The following COP1 variants were observed in gnomAD, a reference collection of about 807,000 sequenced individuals.
The protein encoded by COP1 is COP1 E3 ubiquitin ligase, also known as E3 ubiquitin-protein ligase COP1.
Under a neutral mutation model 101.3 loss-of-function variants are expected in COP1, and 24 were observed. The observed-to-expected ratio is 0.24, with a 90% CI of 0.17 to 0.33. The LOEUF is 0.33. Ranked by LOEUF, COP1 falls within the 10% of genes least tolerant of loss-of-function variation. The pLI is 1.00. For synonymous variants in COP1, 347 were observed against 341.9 expected (o/e 1.01, Z -0.17); for missense variants, 663 against 906.2 (o/e 0.73, Z 3.45).
intron 14 of COP1, among the ~76,000 whole-genome samples, chr1:176,031,361 T>C (rs903166562): frequency 6.6e-6 from 1 of 152,142 alleles, no homozygotes; most frequent in African/African-American, 2.4e-5. Flanking sequence ...AAGCCAAATA[T>C]AAATGAGGCG....
intron 8 of COP1, among the ~76,000 whole-genome samples, chr1:176,123,407 C>G (rs1374081105): frequency 2.6e-5 from 4 of 152,054 alleles, no homozygotes; most frequent in South Asian, 4.1e-4. Context: ...TTTGGTTTCC[C>G]TAGGTACCCC....
chr1:175,976,724 A>G (rs1487303620), intron 18 of COP1, among the ~76,000 whole-genome samples: 1 of 152,220 alleles, frequency 6.6e-6, no homozygotes, highest in Non-Finnish European at 1.5e-5. Flanking sequence ...ATTAGTTGTG[A>G]AACTTAAATT....
At chr1:175,988,567 T>C in intron 16 of COP1, 155 bp from the exon 17 acceptor site, 1 of 647,062 alleles carries the variant, frequency 1.5e-6, no homozygotes, top group Non-Finnish European at 2.5e-6. Context: ...GCGTGGTGGC[T>C]CACGCTTGTA....
Position 176,173,805 on chromosome 1 carries a change from T to C in COP1, c.565+2105A>G, listed in dbSNP as rs548796625. On this transcript the variant is annotated intron_variant, in intron 3 of 19. Coordinates refer to ENST00000367669, the MANE Select transcript of COP1 (RefSeq NM_022457.7). ...GAGTTCGAGACCAGCCTATCCAACA[T>C]GGTGAAACCCCGTCTCTACTAAAAA... Among the ~76,000 whole-genome samples the C allele has an allele frequency of 7.9e-5, 12 of 151,574 alleles. No individual in the cohort carries two copies. The South Asian group carries it at 1.5e-3, about 18-fold the overall frequency.
intron 11 of COP1, among the ~76,000 whole-genome samples, chr1:176,051,157 G>C (rs1276388258): frequency 1.3e-5 from 2 of 152,122 alleles, no homozygotes; most frequent in Non-Finnish European, 2.9e-5. Context: ...AATATTGATA[G>C]AGGAATTCAG....
rs1454295717 is a variant in COP1, at chr1:176,027,587, C to T, written c.1714G>A (p.Ala572Thr). Residue 572 changes from alanine (A) to threonine (T), a missense_variant, in exon 15 of 20, where the codon GCT becomes ACT. Physicochemically the swap from Ala to Thr is moderately conservative, Grantham distance 58. Around this residue, in one of 4 missense-constraint regions of COP1, gnomAD observed 209 missense variants for 383.3 expected, o/e 0.55. Coordinates refer to ENST00000367669, the MANE Select transcript of COP1 (RefSeq NM_022457.7). Reference sequence around the variant, plus strand: ...CATTTCTTACCTGCACAGCCGAAAGCCAAATGGTATCTGGAAGAGGGGCTG... The same window carrying T: ...CATTTCTTACCTGCACAGCCGAAAGTCAAATGGTATCTGGAAGAGGGGCTG... ...KFSPSSRYHLAFGCADHCVHY... is the reference protein window; with the variant it reads ...KFSPSSRYHLTFGCADHCVHY... 1 of 1,611,442 alleles carries T rather than the reference C, an allele frequency of 6.2e-7. No homozygotes were observed. The highest frequency in any genetic ancestry group is 2.2e-5 in the East Asian group (1 of 44,854).
chr1:175,951,187 T>C (rs953084950), intron 18 of COP1, among the ~76,000 whole-genome samples: 1 of 151,860 alleles, frequency 6.6e-6, no homozygotes, highest in Non-Finnish European at 1.5e-5. Context: ...AGGTGGAGGC[T>C]ATGGTGAGCC....
At chr1:176,204,032 A>G (rs1328973893) in intron 1 of COP1, among the ~76,000 whole-genome samples, 1 of 152,210 alleles carries the variant, frequency 6.6e-6, no homozygotes, top group Non-Finnish European at 1.5e-5. Flanking sequence ...ATTATGAAAC[A>G]GCTGCTTCTC....
intron 3 of COP1, among the ~76,000 whole-genome samples, chr1:176,167,599 A>T (rs542687229): frequency 6.6e-6 from 1 of 152,206 alleles, no homozygotes. Flanking sequence ...TGTTAATTAT[A>T]ATTCTACAGA....
At chr1:176,055,662 A>C (rs9425444) in intron 11 of COP1, among the ~76,000 whole-genome samples, 143,025 of 152,236 alleles carry the variant, frequency 0.94, 67,631 homozygotes, top group East Asian at 1. Flanking sequence ...TGATAGGCAT[A>C]GTTAACCCGT....
chr1:176,057,580 G>A (rs866798347), intron 11 of COP1, among the ~76,000 whole-genome samples: 36 of 151,662 alleles, frequency 2.4e-4, no homozygotes, highest in Non-Finnish European at 4.4e-4. Context: ...CGAGTGATCC[G>A]CCAGCCTCGG....
intron 15 of COP1, among the ~76,000 whole-genome samples, chr1:175,991,140 G>T (rs1182427872): frequency 1.3e-5 from 2 of 151,982 alleles, no homozygotes; most frequent in African/African-American, 4.8e-5. Context: ...CTTAACAATG[G>T]AGATACATTC....
In COP1 at chr1:176,203,624, A is replaced by G. The variant is rs370410274; in HGVS notation, c.407+2948T>C. 2.6e-3 allele frequency among the ~76,000 whole-genome samples: 398 copies of G among 152,296 alleles called. 3 individuals are homozygous for G. The highest frequency in any genetic ancestry group is 9.1e-3 in the African/African-American group (380 of 41,572). ...ACAAAGACTTCCTCTGAATGTTGAAAATGTATCCAATGTCAAGCTAAATAC... is the reference window on the plus strand; with the variant it reads ...ACAAAGACTTCCTCTGAATGTTGAAGATGTATCCAATGTCAAGCTAAATAC... On this transcript the variant is annotated intron_variant, in intron 1 of 19. Transcript: ENST00000367669.
intron 15 of COP1, among the ~76,000 whole-genome samples, chr1:176,006,692 C>A (rs889935604): frequency 4.6e-5 from 7 of 152,346 alleles, no homozygotes; most frequent in South Asian, 2.1e-4. Context: ...TCTCTTCTGG[C>A]TTGTAGGGTT....
At chr1:176,181,019 A>T (rs1413744608) in intron 2 of COP1, among the ~76,000 whole-genome samples, 2 of 152,248 alleles carry the variant, frequency 1.3e-5, no homozygotes, top group Non-Finnish European at 2.9e-5. Flanking sequence ...AGCTGGAGGC[A>T]GCAAATGGGC....
At chr1:176,169,107 G>A (rs890796991) in intron 3 of COP1, among the ~76,000 whole-genome samples, 2 of 152,042 alleles carry the variant, frequency 1.3e-5, no homozygotes, top group Admixed American at 1.3e-4. Context: ...CTGTAAAAAC[G>A]CCTTCAAGTC....
chr1:175,986,886 G>A (rs1657249821), intron 18 of COP1, 57 bp downstream of exon 18: 2 of 1,292,310 alleles, frequency 1.5e-6, no homozygotes, highest in East Asian at 2.4e-5. Flanking sequence ...CAAACCCTGT[G>A]TATACATAAT....
chr1:176,154,119 A>T (rs1463217350), intron 5 of COP1, among the ~76,000 whole-genome samples: 3 of 152,100 alleles, frequency 2.0e-5, no homozygotes, highest in African/African-American at 4.8e-5. Context: ...ATACTTAGGG[A>T]GGAGTGCCTC....
chr1:176,193,625 T>TA (rs945232031), intron 1 of COP1, among the ~76,000 whole-genome samples: 2 of 151,978 alleles, frequency 1.3e-5, no homozygotes, highest in East Asian at 1.9e-4. Flanking sequence ...TACTCAACCA[T>TA]AAAAAAGAAT....
Sources: allele counts gnomAD v4.1 joint callset (sites outside exome capture counted in the v4.1 genomes callset), GRCh38; gene constraint gnomAD v4.1.1; regional missense constraint gnomAD v4.1.1; transcripts MANE v1.5; gene names NCBI Gene and HGNC (gene_info 2026-07-23, HGNC 2026-07-21).